Variants in MORN5 observed in about 807,000 individuals in gnomAD.
The protein encoded by MORN5 is MORN repeat containing 5, also known as MORN repeat-containing protein 5.
In MORN5, 21 loss-of-function variants were observed where a neutral mutation model predicts 22.1. The ratio of observed to expected loss-of-function variants is 0.95; its 90% CI spans 0.67 to 1.37. The LOEUF is 1.37. Ranked by LOEUF, MORN5 falls within the 40% of genes most tolerant of loss-of-function variation. MORN5 has a pLI of 0.00. For synonymous variants in MORN5, 73 were observed against 74.0 expected (o/e 0.99, Z 0.07); for missense variants, 211 against 215.1 (o/e 0.98, Z 0.12).
chr9:122,199,922 A>G lies in MORN5; in HGVS notation c.477A>G (p.Arg159=). ...ATGAGTGGATCACCCGTACCTGTCG[A>G]AAGGGCTAGGATGAGATCGTGGGTC... ...DEHEWITRTC[R]KG The change falls in exon 5 of 5, where the codon CGA becomes CGG. Residue 159 remains arginine (R), a synonymous_variant. Coordinates refer to ENST00000373764, the MANE Select transcript of MORN5 (RefSeq NM_198469.4). The G allele has an allele frequency of 6.2e-7, 1 of 1,614,002 alleles. No homozygotes were observed. Among genetic ancestry groups the G allele is most frequent in the South Asian group, 1.1e-5 (1 of 91,076 alleles).
At chr9:122,186,587 C>T (rs537199325) in intron 4 of MORN5, among the ~76,000 whole-genome samples, 55 of 152,214 alleles carry the variant, frequency 3.6e-4, no homozygotes, top group African/African-American at 1.3e-3. Context: ...CAGGAATTGC[C>T]CATTGCCATC....
At chr9:122,191,295 T>C (rs1383601683) in intron 4 of MORN5, among the ~76,000 whole-genome samples, 3 of 152,196 alleles carry the variant, frequency 2.0e-5, no homozygotes, top group Non-Finnish European at 2.9e-5. Context: ...TATGCTGGTG[T>C]GAGAGCAGTT....
intron 4 of MORN5, among the ~76,000 whole-genome samples, chr9:122,182,442 G>A (rs1829550042): frequency 6.6e-6 from 1 of 152,210 alleles, no homozygotes; most frequent in African/African-American, 2.4e-5. Context: ...GCTAGGCTCT[G>A]TGCCAAGCAC....
chr9:122,163,454 C>T (rs908103524), intron 1 of MORN5, among the ~76,000 whole-genome samples: 2 of 152,290 alleles, frequency 1.3e-5, no homozygotes, highest in Non-Finnish European at 1.5e-5. Flanking sequence ...CACATACAGT[C>T]GGAGCCGTCC....
intron 4 of MORN5, among the ~76,000 whole-genome samples, chr9:122,192,578 C>T (rs1254446333): frequency 6.6e-6 from 1 of 152,194 alleles, no homozygotes; most frequent in African/African-American, 2.4e-5. Context: ...ACCTGGTGAC[C>T]TGGGCACAGC....
In MORN5 at chr9:122,197,125, T is replaced by A. The variant is rs1829910032; in HGVS notation, c.440-2760T>A. On this transcript the variant is annotated intron_variant, in intron 4 of 4. Coordinates refer to ENST00000373764, the MANE Select transcript of MORN5 (RefSeq NM_198469.4). This position sits in a 1 kb window ranked among gnomAD's most constrained non-coding sequence, Gnocchi z 5.7. ...TAAGAATAGTGTCCCAGAGTGGAAT[T>A]ACCGGGCCAACAGGGACCAAAAATT... 6.6e-6 allele frequency among the ~76,000 whole-genome samples: 1 copy of A among 152,204 alleles called. No homozygotes were observed. Among genetic ancestry groups the A allele is most frequent in the Non-Finnish European group, 1.5e-5 (1 of 68,046 alleles).
chr9:122,197,272 CTCCCTCCTT>C lies in MORN5; in HGVS notation c.440-2606_440-2598del, dbSNP rs1588321765. ...GGGGTGTTTTTCCCCCATCTTTTTT[CTCCCTCCTT>C]TCCCTCTCCCCCTCCTACCAAAAAA... is the stretch of plus-strand genomic sequence containing the variant. On this transcript the variant is annotated intron_variant, in intron 4 of 4. Transcript: ENST00000373764. The surrounding 1 kb of genome is among the most constrained non-coding windows in gnomAD (Gnocchi z 5.7). Among the ~76,000 whole-genome samples, 2 of 152,162 alleles carry C rather than the reference CTCCCTCCTT, an allele frequency of 1.3e-5. No individual in the cohort carries two copies. Among genetic ancestry groups the C allele is most frequent in the East Asian group, 3.9e-4 (2 of 5,172 alleles).
chr9:122,184,362 G>A (rs949719785), intron 4 of MORN5, among the ~76,000 whole-genome samples: 3 of 152,184 alleles, frequency 2.0e-5, no homozygotes, highest in Admixed American at 6.5e-5. Context: ...AGAAAAGGGC[G>A]AAATTTAAGC....
At chr9:122,193,048 C>T (rs185267699) in intron 4 of MORN5, among the ~76,000 whole-genome samples, 4 of 152,202 alleles carry the variant, frequency 2.6e-5, no homozygotes, top group East Asian at 1.9e-4. Flanking sequence ...ACTGTGACTT[C>T]GGCTCAGGGA....
intron 4 of MORN5, among the ~76,000 whole-genome samples, chr9:122,176,958 A>G (rs1215615658): frequency 6.6e-6 from 1 of 152,244 alleles, no homozygotes; most frequent in Non-Finnish European, 1.5e-5. Flanking sequence ...AAAGGAAGAC[A>G]TTGAGGTAAC....
rs569731174 is a variant in MORN5 at position 122,189,430 on chromosome 9, C to CA, written c.440-10447dup. 9.8e-4 allele frequency among the ~76,000 whole-genome samples: 149 copies of CA among 151,520 alleles called. 1 individual carries two copies. The highest frequency in any genetic ancestry group is 3.3e-3 in the African/African-American group (135 of 41,270). ...ACAACAATCCAAGACCCCATATCTA[C>CA]AAAAAAAAGATTTTTTTAAATTAGC... On this transcript the variant is annotated intron_variant, in intron 4 of 4. Transcript: ENST00000373764.
intron 4 of MORN5, among the ~76,000 whole-genome samples, chr9:122,192,838 T>C (rs1465792589): frequency 1.3e-5 from 2 of 152,194 alleles, no homozygotes; most frequent in Non-Finnish European, 2.9e-5. Flanking sequence ...ACAAGCTCTG[T>C]TTGCCCAGGG....
intron 1 of MORN5, among the ~76,000 whole-genome samples, chr9:122,161,199 G>A (rs947643118): frequency 6.6e-6 from 1 of 152,224 alleles, no homozygotes; most frequent in Non-Finnish European, 1.5e-5. Flanking sequence ...CCACCTTGGG[G>A]CTCTGTATTC....
intron 3 of MORN5, among the ~76,000 whole-genome samples, chr9:122,171,300 C>T (rs1011220533): frequency 2.0e-5 from 3 of 152,238 alleles, no homozygotes; most frequent in Admixed American, 2.0e-4. Flanking sequence ...TTCCCAGCTT[C>T]ATGACCTTGG....
chr9:122,161,032 A>G, intron 1 of MORN5, among the ~76,000 whole-genome samples: 1 of 152,242 alleles, frequency 6.6e-6, no homozygotes, highest in East Asian at 1.9e-4. Context: ...GCTGTAGTAG[A>G]GAGAAGCAGA....
chr9:122,181,896 G>T (rs939945201), intron 4 of MORN5, among the ~76,000 whole-genome samples: 1 of 152,206 alleles, frequency 6.6e-6, no homozygotes, highest in Non-Finnish European at 1.5e-5. Context: ...GGTACTTGTG[G>T]CTGTTATCAT....
chr9:122,173,982 C>T (rs1248028105), intron 3 of MORN5, among the ~76,000 whole-genome samples: 4 of 152,196 alleles, frequency 2.6e-5, no homozygotes, highest in Non-Finnish European at 5.9e-5. Context: ...GTAATTTTGG[C>T]AAGAGTCAAA....
chr9:122,196,403 G>C (rs1260732384), intron 4 of MORN5, among the ~76,000 whole-genome samples: 3 of 149,208 alleles, frequency 2.0e-5, no homozygotes, highest in Non-Finnish European at 4.4e-5. Context: ...GCGCAATCTC[G>C]GCTCACTGCA....
chr9:122,170,538 G>A (rs1829350879), intron 3 of MORN5, among the ~76,000 whole-genome samples: 1 of 152,178 alleles, frequency 6.6e-6, no homozygotes, highest in Non-Finnish European at 1.5e-5. Context: ...TTGTGTATCA[G>A]GTGCTGGGGG....
Sources: allele counts gnomAD v4.1 joint callset (sites outside exome capture counted in the v4.1 genomes callset), GRCh38; gene constraint gnomAD v4.1.1; non-coding constraint Gnocchi (gnomAD v3.1); transcripts MANE v1.5; gene names NCBI Gene and HGNC (gene_info 2026-07-23, HGNC 2026-07-21).